FGF8: variants seen among roughly 807,000 people sequenced by gnomAD.
FGF8 encodes the protein androgen-induced growth factor.
Under a neutral mutation model 29.7 loss-of-function variants are expected in FGF8, and 12 were observed. The observed-to-expected ratio is 0.40, with a 90% CI of 0.26 to 0.65. The LOEUF (loss-of-function observed/expected upper bound fraction) is 0.65. FGF8 is among the 30% of genes least tolerant of loss of function. The pLI is 0.37. For synonymous variants in FGF8, 157 were observed against 144.4 expected, an observed-to-expected ratio of 1.09 and a Z score of -0.63; for missense variants, 271 against 345.1, an observed-to-expected ratio of 0.79 and a Z score of 1.70.
chr10:101,776,415 C>T (rs984131058), upstream of FGF8, among the ~76,000 whole-genome samples: 3 of 150,914 alleles, frequency 2.0e-5, no homozygotes, highest in Admixed American at 1.3e-4. Context: ...CCCCTATCCC[C>T]GGCCTGTCCC....
At chr10:101,780,008 C>G (rs2065130300), upstream of FGF8, among the ~76,000 whole-genome samples, 1 of 152,222 alleles carries the variant, frequency 6.6e-6, no homozygotes. Context: ...CCCGGAGCCT[C>G]TAGAGGCCAG....
chr10:101,776,214 G>T (rs1461812012), upstream of FGF8: 3 of 118,704 alleles, frequency 2.5e-5, no homozygotes, highest in East Asian at 5.3e-4. Flanking sequence ...CGCACCGGGC[G>T]CGAGGGGGGA....
Position 101,774,989 on chromosome 10 carries a change from T to C in FGF8, c.157-77A>G. On this transcript the variant is annotated intron_variant, in intron 3 of 5. Transcript: ENST00000320185. ...AGGGGCCCGAGTGGCCCCATCACCC[T>C]GCGTCCCCCTCACTGCCCCAAGCCG... 4 of 1,552,836 alleles carry C rather than the reference T, an allele frequency of 2.6e-6. No individual in the cohort carries two copies. In the South Asian group the frequency reaches 4.5e-5, roughly 18 times the overall value.
At chr10:101,773,590 C>T (rs1405404529) in intron 4 of FGF8, among the ~76,000 whole-genome samples, 1 of 152,206 alleles carries the variant, frequency 6.6e-6, no homozygotes, top group Non-Finnish European at 1.5e-5. Context: ...TCTTCCACCC[C>T]AGTGACAGAT....
chr10:101,770,367 G>A lies in FGF8; in HGVS notation c.697C>T (p.Arg233Cys), dbSNP rs780335350. The A allele has an allele frequency of 3.5e-5, 56 of 1,600,194 alleles. No homozygotes were observed. Among genetic ancestry groups the A allele is most frequent in the South Asian group, 1.8e-4 (16 of 88,868 alleles). The part of the protein sequence containing the change: ...LNYPPFTRSL[R>C]GSQRTWAPEP... ...GGGGCCCAAGTCCTCTGGCTGCCGCGCAGGCTGCGCGTGAAGGGCGGGTAG... is the reference window on the plus strand; with the variant it reads ...GGGGCCCAAGTCCTCTGGCTGCCGCACAGGCTGCGCGTGAAGGGCGGGTAG... The change falls in exon 6 of 6, where the codon CGC (arginine) becomes TGC (cysteine). Residue 233 changes from arginine to cysteine, a missense_variant. By Grantham distance (180) the Arg-to-Cys change is radical. This residue lies in a region of FGF8 where 62 missense variants were observed against 58.1 expected (regional missense o/e 1.07). Transcript: ENST00000320185.
upstream of FGF8, among the ~76,000 whole-genome samples, chr10:101,777,694 A>T (rs2065110733): frequency 6.6e-6 from 1 of 152,248 alleles, no homozygotes; most frequent in Admixed American, 6.5e-5. Context: ...ACCATGTCTT[A>T]TGAGCTCAGA....
rs1448869510 is a variant in FGF8 at position 101,770,166 on chromosome 10, A to C, written c.*163T>G. On this transcript the variant is annotated 3_prime_UTR_variant, in exon 6 of 6. Coordinates refer to ENST00000320185, the MANE Select transcript of FGF8 (RefSeq NM_033163.5). ...TAAAAAAAAAAAAAAAAAAAAAAAC[A>C]GCAAAAACCCAACAGCAAACAATAT... 14 of 542,436 alleles carry C rather than the reference A, an allele frequency of 2.6e-5. No homozygotes were observed. In the African/African-American group the frequency reaches 2.8e-4, roughly 11 times the overall value. 33.6% of individuals were successfully genotyped at this position (542,436 alleles called of 1,614,324 possible).
chr10:101,770,279 C>T lies in FGF8; in HGVS notation c.*50G>A, dbSNP rs2064998996. ...TCTTGCTTGAGTTTTGGGTGCCCTA[C>T]AGGATGAGCCTCTCTGCGGTCTGGC... On this transcript the variant is annotated 3_prime_UTR_variant, in exon 6 of 6. Transcript: ENST00000320185. The T allele has an allele frequency of 4.6e-6, 7 of 1,519,806 alleles. No homozygotes were observed. Among genetic ancestry groups the T allele is most frequent in the South Asian group, 1.3e-5 (1 of 78,224 alleles). The allele number at this position is 1,519,806 out of a possible 1,614,324, so 94.1% of individuals were successfully genotyped here.
At chr10:101,778,200 T>C (rs2135007193), upstream of FGF8, among the ~76,000 whole-genome samples, 1 of 152,346 alleles carries the variant, frequency 6.6e-6, no homozygotes, top group Middle Eastern at 3.4e-3. Context: ...AATGGAGAGA[T>C]GGAGAGCAGG....
chr10:101,775,913 C>G lies in FGF8; in HGVS notation c.-13G>C. 6.5e-6 allele frequency: 8 copies of G among 1,229,316 alleles called. No individual in the cohort carries two copies. Among genetic ancestry groups the G allele is most frequent in the Non-Finnish European group, 5.1e-6 (5 of 989,478 alleles). The allele number at this position is 1,229,316 out of a possible 1,614,324, so 76.2% of individuals were successfully genotyped here. The stretch of plus-strand genomic sequence containing the variant: ...GGGGGCTGCCCATGGCGCGCGGCCC[C>G]GGGGCACCGAGAGCCCGGCGGGTCA... On this transcript the variant is annotated 5_prime_UTR_variant, in exon 1 of 6. Coordinates refer to ENST00000320185, the MANE Select transcript of FGF8 (RefSeq NM_033163.5). This position sits in a 1 kb window ranked among gnomAD's most constrained non-coding sequence, Gnocchi z 4.6.
chr10:101,774,454 G>A (rs2065062535), intron 4 of FGF8, among the ~76,000 whole-genome samples: 1 of 152,188 alleles, frequency 6.6e-6, no homozygotes, highest in South Asian at 2.1e-4. Context: ...TGAACCCCCT[G>A]CCTCCACCTG....
chr10:101,775,838 G>C lies in FGF8; in HGVS notation c.32+31C>G. On this transcript the variant is annotated intron_variant, in intron 1 of 5. Transcript: ENST00000320185. This position sits in a 1 kb window ranked among gnomAD's most constrained non-coding sequence, Gnocchi z 4.6. ...GGGTGAGGCGAGGGGCGCGGGGGGC[G>C]GGTGGCGGGGCAGGGCGGCGCGGTA... 1 of 1,518,296 alleles carries C rather than the reference G, an allele frequency of 6.6e-7. No individual in the cohort carries two copies. Among genetic ancestry groups the C allele is most frequent in the Non-Finnish European group, 8.8e-7 (1 of 1,136,372 alleles). 94.1% of individuals were successfully genotyped at this position (1,518,296 alleles called of 1,614,324 possible). A position where few individuals can be genotyped will look rare whatever the true frequency, so the allele number is the denominator to read the frequency against.
chr10:101,771,708 A>C lies in FGF8; in HGVS notation c.338-139T>G. On this transcript the variant is annotated intron_variant, in intron 4 of 5. Transcript: ENST00000320185. This position sits in a 1 kb window ranked among gnomAD's most constrained non-coding sequence, Gnocchi z 5.3. ...CTCCAGCTCCAGCCCAGCTACTAACATGCTGTGCAACCCAGAGAAAGGGCT... is the reference window on the plus strand; with the variant it reads ...CTCCAGCTCCAGCCCAGCTACTAACCTGCTGTGCAACCCAGAGAAAGGGCT... 4 of 724,726 alleles carry C rather than the reference A, an allele frequency of 5.5e-6. No homozygotes were observed. Among genetic ancestry groups the C allele is most frequent in the East Asian group, 2.7e-5 (1 of 36,938 alleles). 44.9% of individuals were successfully genotyped at this position (724,726 alleles called of 1,614,324 possible). A position where few individuals can be genotyped will look rare whatever the true frequency, so the allele number is the denominator to read the frequency against.
At chr10:101,777,565 G>A (rs1424725355), upstream of FGF8, among the ~76,000 whole-genome samples, 2 of 152,220 alleles carry the variant, frequency 1.3e-5, no homozygotes, top group Admixed American at 6.5e-5. Context: ...AAAACAGTTA[G>A]AGGGTGCGTT....
Position 101,775,719 on chromosome 10 carries a change from C to A in FGF8, c.69+21G>T. On this transcript the variant is annotated intron_variant, in intron 2 of 5. Coordinates refer to ENST00000320185, the MANE Select transcript of FGF8 (RefSeq NM_033163.5). This position sits in a 1 kb window ranked among gnomAD's most constrained non-coding sequence, Gnocchi z 4.6. ...CTCACACCGGCGCGCCCGGCCCCCG[C>A]CTCCGCGCACCCCTCCTCACCTGGG... is the stretch of plus-strand genomic sequence containing the variant. The A allele has an allele frequency of 3.2e-6, 5 of 1,542,922 alleles. No individual in the cohort carries two copies. The highest frequency in any genetic ancestry group is 4.4e-6 in the Non-Finnish European group (5 of 1,145,216).
At chr10:101,778,861 C>G (rs966289735), upstream of FGF8, among the ~76,000 whole-genome samples, 1 of 152,214 alleles carries the variant, frequency 6.6e-6, no homozygotes, top group East Asian at 1.9e-4. Flanking sequence ...CTTATCAAAG[C>G]CCGGTAATTA....
Position 101,771,962 on chromosome 10 carries a change from C to G in FGF8, c.338-393G>C, listed in dbSNP as rs951369612. On this transcript the variant is annotated intron_variant, in intron 4 of 5. Coordinates refer to ENST00000320185, the MANE Select transcript of FGF8 (RefSeq NM_033163.5). The surrounding 1 kb of genome is among the most constrained non-coding windows in gnomAD (Gnocchi z 5.3). Reference sequence around the variant, plus strand: ...AGCTAATCAAAAGATCTCCGAGGATCCTTCCAACTCCAAATATTATGTGTG... The same window carrying G: ...AGCTAATCAAAAGATCTCCGAGGATGCTTCCAACTCCAAATATTATGTGTG... 2.0e-5 allele frequency among the ~76,000 whole-genome samples: 3 copies of G among 152,250 alleles called. No individual in the cohort carries two copies. The highest frequency in any genetic ancestry group is 4.4e-5 in the Non-Finnish European group (3 of 68,046).
chr10:101,775,771 A>G lies in FGF8; in HGVS notation c.38T>C (p.Leu13Ser). ...SPRSALSCLL[L>S]HLLVLCLQAQ... ...TTGGAGGCAGAGGACCAGCAAGTGCAACAGCCTGTGGGAGACAAAAGCGGG... is the reference window on the plus strand; with the variant it reads ...TTGGAGGCAGAGGACCAGCAAGTGCGACAGCCTGTGGGAGACAAAAGCGGG... The change falls in exon 2 of 6, where the codon TTG (leucine) becomes TCG (serine). Residue 13 changes from leucine (L) to serine (S), a missense_variant. Leu to Ser is a moderately radical substitution (Grantham distance 145). Coordinates refer to ENST00000320185, the MANE Select transcript of FGF8 (RefSeq NM_033163.5). This position sits in a 1 kb window ranked among gnomAD's most constrained non-coding sequence, Gnocchi z 4.6. 1 of 1,545,414 alleles carries G rather than the reference A, an allele frequency of 6.5e-7. No homozygotes were observed. The highest frequency in any genetic ancestry group is 8.7e-7 in the Non-Finnish European group (1 of 1,145,920).
chr10:101,778,163 T>C (rs2065113570), upstream of FGF8, among the ~76,000 whole-genome samples: 1 of 152,270 alleles, frequency 6.6e-6, no homozygotes, highest in South Asian at 2.1e-4. Flanking sequence ...GCATGTTTAG[T>C]TGCGTATGTC....
Sources: allele counts gnomAD v4.1 joint callset (sites outside exome capture counted in the v4.1 genomes callset), GRCh38; gene constraint gnomAD v4.1.1; regional missense constraint gnomAD v4.1.1; non-coding constraint Gnocchi (gnomAD v3.1); transcripts MANE v1.5; gene names NCBI Gene and HGNC (gene_info 2026-07-23, HGNC 2026-07-21).